Variants in APBB2 observed in about 807,000 individuals in gnomAD.
The protein encoded by APBB2 is Fe65-like 1.
In APBB2, 38 loss-of-function variants were observed where a neutral mutation model predicts 82.5. That is an observed-to-expected ratio of 0.46 (90% CI 0.36 to 0.60). APBB2 has a LOEUF of 0.60. Ranked by LOEUF, APBB2 falls within the 20% of genes least tolerant of loss-of-function variation. APBB2 has a pLI of 0.00. For missense variants in APBB2, 772 were observed against 972.3 expected (o/e 0.79, Z 2.74); for synonymous variants, 341 against 368.2 (o/e 0.93, Z 0.85).
intron 6 of APBB2, among the ~76,000 whole-genome samples, chr4:40,950,910 A>G (rs1789968927): frequency 6.6e-6 from 1 of 152,230 alleles, no homozygotes. Context: ...ACAGCAGAAT[A>G]AATGAACAAA....
intron 6 of APBB2, among the ~76,000 whole-genome samples, chr4:41,010,135 AAT>A (rs1295531944): frequency 2.0e-5 from 3 of 152,194 alleles, no homozygotes; most frequent in Non-Finnish European, 4.4e-5. Context: ...TATGACTATT[AAT>A]ATTGAGACAG....
In APBB2 at chr4:40,929,306, A is replaced by G. The variant is rs142195500; in HGVS notation, c.1254+5150T>C. ...GTCTATGATAATTTAATAAGGGGAA[A>G]TTATTTATTTATTTATTTTTGAGAC... On this transcript the variant is annotated intron_variant, in intron 10 of 17. Transcript: ENST00000508593. Among the ~76,000 whole-genome samples, 414 of 152,124 alleles carry G rather than the reference A, an allele frequency of 2.7e-3. 2 individuals are homozygous for G. Among genetic ancestry groups the G allele is most frequent in the African/African-American group, 9.3e-3 (387 of 41,520 alleles).
chr4:40,955,896 C>T, intron 6 of APBB2, among the ~76,000 whole-genome samples: 1 of 152,140 alleles, frequency 6.6e-6, no homozygotes, highest in East Asian at 1.9e-4. Context: ...CTGCCTCAGC[C>T]TCTCGAGTAG....
At chr4:41,086,173 A>T (rs1234319889) in intron 3 of APBB2, among the ~76,000 whole-genome samples, 1 of 152,204 alleles carries the variant, frequency 6.6e-6, no homozygotes, top group Non-Finnish European at 1.5e-5. Context: ...GACATTGATT[A>T]GTAATCAAAA....
chr4:41,159,149 G>A (rs942594876), intron 1 of APBB2, among the ~76,000 whole-genome samples: 3 of 152,180 alleles, frequency 2.0e-5, no homozygotes, highest in Admixed American at 2.0e-4. Context: ...GGACTGTAGG[G>A]CAAGTCTCAA....
At chr4:40,818,125 C>T (rs925314954) in intron 17 of APBB2, among the ~76,000 whole-genome samples, 6 of 152,168 alleles carry the variant, frequency 3.9e-5, no homozygotes, top group South Asian at 2.1e-4. Context: ...TTCAAAAGAA[C>T]GTTAGTGTCA....
At position 40,934,636 on chromosome 4, in the gene APBB2, G is replaced by A; in HGVS notation, c.1171C>T (p.Arg391Cys). The A allele has an allele frequency of 1.2e-6, 2 of 1,613,950 alleles. No individual in the cohort carries two copies. Among genetic ancestry groups the A allele is most frequent in the Admixed American group, 1.7e-5 (1 of 60,016 alleles). Reference sequence around the variant, plus strand: ...TACCTGAGTTTCAAAGATGCATAGCGTAGGGTTGCTCCTTCAAACTCTTTT... The same window carrying A: ...TACCTGAGTTTCAAAGATGCATAGCATAGGGTTGCTCCTTCAAACTCTTTT... Reference protein sequence around the residue: ...SLKEFEGATLRYASLKLRNAP... With the variant: ...SLKEFEGATLCYASLKLRNAP... Residue 391 changes from arginine to cysteine, a missense_variant, in exon 9 of 18, where the codon CGC (arginine) becomes TGC (cysteine). Transcript: ENST00000508593.
intron 3 of APBB2, among the ~76,000 whole-genome samples, chr4:41,088,209 G>C (rs956381371): frequency 1.3e-5 from 2 of 152,168 alleles, no homozygotes; most frequent in African/African-American, 4.8e-5. Context: ...GTAAACTCAG[G>C]CTTCCTGTGT....
intron 12 of APBB2, among the ~76,000 whole-genome samples, chr4:40,873,650 T>C (rs565866886): frequency 6.6e-6 from 1 of 152,354 alleles, no homozygotes; most frequent in Admixed American, 6.5e-5. Context: ...TGGAGGAAAC[T>C]GGTTTGGCAA....
intron 3 of APBB2, among the ~76,000 whole-genome samples, chr4:41,083,092 G>A (rs1354602516): frequency 1.3e-5 from 2 of 152,132 alleles, no homozygotes; most frequent in African/African-American, 4.8e-5. Flanking sequence ...GTGAACCCGG[G>A]AGGCGGAGGT....
chr4:40,960,995 T>G (rs1793037550), intron 6 of APBB2, among the ~76,000 whole-genome samples: 1 of 151,826 alleles, frequency 6.6e-6, no homozygotes, highest in Non-Finnish European at 1.5e-5. Context: ...GCATACTTTT[T>G]CCTTCTGCCT....
Position 40,930,454 on chromosome 4 carries a change from CGCGCGCGCGCGCGT to C in APBB2, c.1254+3988_1254+4001del, listed in dbSNP as rs1184881208. Among the ~76,000 whole-genome samples the C allele has an allele frequency of 3.1e-3, 316 of 103,484 alleles. 1 individual carries two copies. Among genetic ancestry groups the C allele is most frequent in the African/African-American group, 0.013 (281 of 22,424 alleles). 67.9% of individuals were successfully genotyped at this position (103,484 alleles called of 152,430 possible). ...GTGTGTGTGTGTGTGTGTGTGCGCG[CGCGCGCGCGCGCGT>C]GCGCGTGCGCGTATGCGTGTGTATG... On this transcript the variant is annotated intron_variant, in intron 10 of 17. Transcript: ENST00000508593.
intron 10 of APBB2, among the ~76,000 whole-genome samples, chr4:40,927,422 CCA>C (rs1429859137): frequency 6.6e-6 from 1 of 151,906 alleles, no homozygotes; most frequent in Non-Finnish European, 1.5e-5. Context: ...AAATAAAGGC[CCA>C]TTAGATGGGC....
In APBB2 at chr4:41,032,778, C is replaced by CTTTTTTTTT. The variant is rs11421268; in HGVS notation, c.19+449_19+457dup. Reference sequence around the variant, plus strand: ...TGATTTTAAAGATTCATTTTTCTTTCTTTTTTTTTTTTTTTTTTTTTTTTG... The same window carrying CTTTTTTTTT: ...TGATTTTAAAGATTCATTTTTCTTTCTTTTTTTTTTTTTTTTTTTTTTTTTTTTTTTTTG... On this transcript the variant is annotated intron_variant, in intron 5 of 17. Coordinates refer to ENST00000508593, the MANE Select transcript of APBB2 (RefSeq NM_004307.2). Among the ~76,000 whole-genome samples, 97 of 84,314 alleles carry CTTTTTTTTT rather than the reference C, an allele frequency of 1.2e-3. 5 individuals carry two copies. The highest frequency in any genetic ancestry group is 1.2e-3 in the Non-Finnish European group (59 of 48,070). The allele number at this position is 84,314 out of a possible 152,430, so 55.3% of individuals were successfully genotyped here. A position where few individuals can be genotyped will look rare whatever the true frequency, so the allele number is the denominator to read the frequency against.
chr4:41,118,509 A>G (rs1346995401), intron 2 of APBB2, among the ~76,000 whole-genome samples: 3 of 152,234 alleles, frequency 2.0e-5, no homozygotes, highest in Admixed American at 2.0e-4. Context: ...AATTATTGTC[A>G]TTAATATTAT....
intron 12 of APBB2, among the ~76,000 whole-genome samples, chr4:40,888,825 G>A (rs566594831): frequency 1.1e-4 from 17 of 152,094 alleles, no homozygotes; most frequent in African/African-American, 2.9e-4. Context: ...CCACACTTTC[G>A]CTCCTGCGTC....
intron 12 of APBB2, among the ~76,000 whole-genome samples, chr4:40,853,419 AG>A (rs1760125919): frequency 1.3e-5 from 2 of 150,888 alleles, no homozygotes; most frequent in Non-Finnish European, 2.9e-5. Flanking sequence ...CTTCATCCTC[AG>A]GCACGTTGAG....
chr4:41,087,470 C>T (rs907497414), intron 3 of APBB2, among the ~76,000 whole-genome samples: 4 of 152,156 alleles, frequency 2.6e-5, no homozygotes, highest in Non-Finnish European at 4.4e-5. Context: ...TGCTCTCTCA[C>T]CCAGACTGGA....
intron 12 of APBB2, among the ~76,000 whole-genome samples, chr4:40,858,928 T>C (rs987425620): frequency 1.3e-5 from 2 of 152,016 alleles, no homozygotes; most frequent in African/African-American, 4.8e-5. Flanking sequence ...TAGAAGAGGG[T>C]TTAAGACTTG....
Sources: gnomAD v4.1 joint callset for allele counts (sites outside exome capture counted in the v4.1 genomes callset) on GRCh38, gnomAD v4.1.1 for gene constraint, MANE v1.5 for transcripts, NCBI Gene and HGNC (gene_info 2026-07-23, HGNC 2026-07-21) for gene names.